CD163L1: variants seen among roughly 807,000 people sequenced by gnomAD.
The protein encoded by CD163L1 is scavenger receptor cysteine-rich type 1 protein M160.
CD163L1 carries 124 observed loss-of-function variants against 165.4 expected under a neutral mutation model. The observed-to-expected ratio is 0.75, with a 90% CI of 0.65 to 0.87. The LOEUF is 0.87. CD163L1 is among the 40% of genes least tolerant of loss of function. The probability of loss-of-function intolerance (pLI) is 0.00; values close to 1 mark genes in which losing one functional copy is unlikely to be tolerated. For synonymous variants in CD163L1, 585 were observed against 662.2 expected, an observed-to-expected ratio of 0.88 and a Z score of 1.79; for missense variants, 1,525 against 1,799.9, an observed-to-expected ratio of 0.85 and a Z score of 2.76.
the CD163L1 span, among the ~76,000 whole-genome samples, chr12:7,332,713 C>T: frequency 6.6e-6 from 1 of 152,174 alleles, no homozygotes; most frequent in African/African-American, 2.4e-5. Flanking sequence ...AAATAAAATA[C>T]TTCACAGACA....
chr12:7,411,910 A>T (rs1324305006), intron 4 of CD163L1, among the ~76,000 whole-genome samples: 1 of 152,190 alleles, frequency 6.6e-6, no homozygotes, highest in Non-Finnish European at 1.5e-5. Flanking sequence ...TTAATTACAA[A>T]CAACTATTAG....
chr12:7,410,054 A>G (rs886129954), intron 4 of CD163L1, among the ~76,000 whole-genome samples: 14 of 152,166 alleles, frequency 9.2e-5, no homozygotes, highest in Non-Finnish European at 2.9e-5. Context: ...TAAAAACTAT[A>G]AAAATAAACC....
intron 2 of CD163L1, among the ~76,000 whole-genome samples, chr12:7,438,489 G>A (rs923635390): frequency 6.6e-6 from 1 of 152,152 alleles, no homozygotes; most frequent in African/African-American, 2.4e-5. Context: ...ATAAGCTGAT[G>A]AAGCTATAAA....
rs1359579671 is a variant in CD163L1 at position 7,373,766 on chromosome 12, C to G, written c.3410-126G>C. ...TCACAATACAATTTCATAAATCACT[C>G]TAACATATTAACAGCATAAATCTGA... On this transcript the variant is annotated intron_variant, in intron 13 of 19. Coordinates refer to ENST00000313599, the MANE Select transcript of CD163L1 (RefSeq NM_174941.6). 6.5e-6 allele frequency: 5 copies of G among 772,302 alleles called. No individual in the cohort carries two copies. The African/African-American group carries it at 8.8e-5, about 14-fold the overall frequency. The allele number at this position is 772,302 out of a possible 1,614,324, so 47.8% of individuals were successfully genotyped here.
intron 8 of CD163L1, 90 bp downstream of exon 8, chr12:7,396,005 C>G: frequency 9.9e-7 from 1 of 1,005,614 alleles, no homozygotes; most frequent in Non-Finnish European, 1.5e-6. Flanking sequence ...AATGAGCACT[C>G]GGTCATAAAT....
chr12:7,421,450 T>TATGTACATATACACATATATATAC (rs1565809893), intron 4 of CD163L1, among the ~76,000 whole-genome samples: 1 of 114,464 alleles, frequency 8.7e-6, no homozygotes, highest in Non-Finnish European at 1.6e-5. Context: ...CATATACATA[T>TATGTACATATACACATATATATAC]ATGTACATAT....
intron 8 of CD163L1, among the ~76,000 whole-genome samples, chr12:7,385,325 C>A (rs769764250): frequency 6.7e-5 from 10 of 150,178 alleles, no homozygotes; most frequent in Non-Finnish European, 1.5e-4. Context: ...ATTCTAAATA[C>A]ATATACACCC....
downstream of CD163L1, among the ~76,000 whole-genome samples, chr12:7,346,353 C>T (rs754924752): frequency 6.6e-6 from 1 of 151,904 alleles, no homozygotes; most frequent in Non-Finnish European, 1.5e-5. Flanking sequence ...TACTCTGATT[C>T]TCTAAAACAT....
At chr12:7,410,612 A>G (rs1017207001) in intron 4 of CD163L1, among the ~76,000 whole-genome samples, 7 of 150,018 alleles carry the variant, frequency 4.7e-5, no homozygotes, top group Non-Finnish European at 8.9e-5. Context: ...TCCAAAAAAA[A>G]AAAAAGGAGA....
At position 7,375,589 on chromosome 12, in the gene CD163L1, G is replaced by C; in HGVS notation, c.2693C>G (p.Thr898Arg). 4 of 1,612,188 alleles carry C rather than the reference G, an allele frequency of 2.5e-6. No individual in the cohort carries two copies. The highest frequency in any genetic ancestry group is 3.4e-6 in the Non-Finnish European group (4 of 1,179,946). Reference protein sequence around the residue: ...REVGVVCSRYTDVRLVNGKSQ... With the variant: ...REVGVVCSRYRDVRLVNGKSQ... Reference sequence around the variant, plus strand: ...TTTGCCATTCACAAGTCGGACATCTGTATATCCTAGGAGGAGACAAGGCCA... The same window carrying C: ...TTTGCCATTCACAAGTCGGACATCTCTATATCCTAGGAGGAGACAAGGCCA... Residue 898 changes from threonine (T) to arginine (R), a missense_variant, in exon 11 of 20, where the codon ACA (threonine) becomes AGA (arginine). Coordinates refer to ENST00000313599, the MANE Select transcript of CD163L1 (RefSeq NM_174941.6).
At chr12:7,443,695 A>G (rs1008212186) in intron 1 of CD163L1, among the ~76,000 whole-genome samples, 1 of 152,130 alleles carries the variant, frequency 6.6e-6, no homozygotes, top group Non-Finnish European at 1.5e-5. Flanking sequence ...CCATCTACCA[A>G]TGGAGACAAT....
chr12:7,331,931 G>A, the CD163L1 span, among the ~76,000 whole-genome samples: 1 of 152,328 alleles, frequency 6.6e-6, no homozygotes, highest in South Asian at 2.1e-4. Context: ...AAGCTGGAGG[G>A]AGAATGACTT....
At chr12:7,330,999 C>T in the CD163L1 span, among the ~76,000 whole-genome samples, 2 of 152,172 alleles carry the variant, frequency 1.3e-5, no homozygotes, top group South Asian at 4.1e-4. Context: ...TCGCCTCACC[C>T]AGGAAGCAAA....
chr12:7,391,488 A>C (rs1409605390), intron 8 of CD163L1, among the ~76,000 whole-genome samples: 5 of 152,186 alleles, frequency 3.3e-5, no homozygotes, highest in African/African-American at 1.2e-4. Flanking sequence ...AGGTTAGACG[A>C]ATGGCTAACT....
Position 7,403,554 on chromosome 12 carries a change from A to C in CD163L1, c.1389T>G (p.Asp463Glu), listed in dbSNP as rs757184298. Residue 463 changes from aspartate to glutamate, a missense_variant, in exon 6 of 20, where the codon GAT becomes GAG. By Grantham distance (45) the Asp-to-Glu change is conservative. Transcript: ENST00000313599. The part of the protein sequence containing the change: ...KAKRTCFRRS[D>E]AGVICSDKAD... ...CCTTACCAGAACAAATTACTCCAGCATCTGATCTTCGGAAGCATGTTCGCT... is the reference window on the plus strand; with the variant it reads ...CCTTACCAGAACAAATTACTCCAGCCTCTGATCTTCGGAAGCATGTTCGCT... The C allele has an allele frequency of 2.5e-6, 4 of 1,613,182 alleles. No homozygotes were observed. The East Asian group carries it at 8.9e-5, about 36-fold the overall frequency.
chr12:7,341,486 A>G, the CD163L1 span, among the ~76,000 whole-genome samples: 1 of 152,182 alleles, frequency 6.6e-6, no homozygotes, highest in Non-Finnish European at 1.5e-5. Context: ...TTTCCAGACT[A>G]TGGGTCAAGA....
chr12:7,376,036 G>T (rs755286679), intron 9 of CD163L1, 22 bp from the exon 10 acceptor site: 14 of 1,596,600 alleles, frequency 8.8e-6, no homozygotes, highest in Non-Finnish European at 1.2e-5. Flanking sequence ...TATTTCAAAG[G>T]TTAGTTTTTA....
intron 8 of CD163L1, among the ~76,000 whole-genome samples, chr12:7,387,133 A>G (rs1006071270): frequency 6.6e-6 from 1 of 152,252 alleles, no homozygotes; most frequent in South Asian, 2.1e-4. Context: ...AAGTTACAGC[A>G]TACAAAATCA....
rs1323053383 is a variant in CD163L1, at chr12:7,398,964, G to A, written c.1409-380C>T. Reference sequence around the variant, plus strand: ...AGTGGAGTCCAGCATTAGCACCAAAGCTTATCCCCTCATAGTCGTCATTTT... The same window carrying A: ...AGTGGAGTCCAGCATTAGCACCAAAACTTATCCCCTCATAGTCGTCATTTT... On this transcript the variant is annotated intron_variant, in intron 6 of 19. Coordinates refer to ENST00000313599, the MANE Select transcript of CD163L1 (RefSeq NM_174941.6). The surrounding 1 kb of genome is among the most constrained non-coding windows in gnomAD (Gnocchi z 4.5). Among the ~76,000 whole-genome samples the A allele has an allele frequency of 1.3e-5, 2 of 152,118 alleles. No homozygotes were observed. Among genetic ancestry groups the A allele is most frequent in the Non-Finnish European group, 2.9e-5 (2 of 68,014 alleles).
Sources: gnomAD v4.1 joint callset for allele counts (sites outside exome capture counted in the v4.1 genomes callset) on GRCh38, gnomAD v4.1.1 for gene constraint, Gnocchi (gnomAD v3.1) non-coding constraint, MANE v1.5 for transcripts, NCBI Gene and HGNC (gene_info 2026-07-23, HGNC 2026-07-21) for gene names.